PLPP5: variants seen among roughly 807,000 people sequenced by gnomAD.
PLPP5 encodes the protein diacylglycerol pyrophosphate like 1.
PLPP5 carries 29 observed loss-of-function variants against 23.6 expected under a neutral mutation model. That is an observed-to-expected ratio of 1.23 (90% CI 0.92 to 1.68). PLPP5 has a LOEUF of 1.68. Among genes scored for constraint, PLPP5 ranks in the 40% most tolerant of loss-of-function variants. The probability of loss-of-function intolerance (pLI) is 0.00; values close to 1 mark genes in which losing one functional copy is unlikely to be tolerated. For synonymous variants in PLPP5, 143 were observed against 131.3 expected (o/e 1.09, Z -0.61); for missense variants, 315 against 332.1 (o/e 0.95, Z 0.40).
At position 38,269,213 on chromosome 8, in the gene PLPP5, C is replaced by T. The variant is rs1287505784; in HGVS notation, c.-14G>A. 10 of 1,495,024 alleles carry T rather than the reference C, an allele frequency of 6.7e-6. No individual in the cohort carries two copies. Among genetic ancestry groups the T allele is most frequent in the African/African-American group, 2.9e-5 (2 of 68,548 alleles). 92.6% of individuals were successfully genotyped at this position (1,495,024 alleles called of 1,614,324 possible). ...CGCCTTCCCCATCCGGCCGCGAGCT[C>T]CGAGCGACGCTGCGCTGACGTGGCC... On this transcript the variant is annotated 5_prime_UTR_variant, in exon 1 of 7. Transcript: ENST00000424479.
intron 4 of PLPP5, 158 bp from the exon 5 acceptor site, chr8:38,267,549 C>T (rs774985903): frequency 9.5e-6 from 8 of 838,744 alleles, no homozygotes; most frequent in Non-Finnish European, 1.4e-5. Context: ...AAGAGAAAAG[C>T]CTTTCAAGGT....
chr8:38,266,079 T>C lies in PLPP5; in HGVS notation c.634+62A>G, dbSNP rs1021174663. ...TATTTAGTAAGCATCTCCTCTGTGCTAGGTGCTAGGAATAAAATGAGTGAA... is the reference window on the plus strand; with the variant it reads ...TATTTAGTAAGCATCTCCTCTGTGCCAGGTGCTAGGAATAAAATGAGTGAA... On this transcript the variant is annotated intron_variant, in intron 6 of 6. Coordinates refer to ENST00000424479, the MANE Select transcript of PLPP5 (RefSeq NM_001102559.2). 6.1e-5 allele frequency: 91 copies of C among 1,499,644 alleles called. No homozygotes were observed. In the East Asian group the frequency reaches 2.0e-3, roughly 33 times the overall value. The allele number at this position is 1,499,644 out of a possible 1,614,324, so 92.9% of individuals were successfully genotyped here. A position where few individuals can be genotyped will look rare whatever the true frequency, so the allele number is the denominator to read the frequency against.
Position 38,268,396 on chromosome 8 carries a change from T to G in PLPP5, c.249A>C (p.Thr83=), listed in dbSNP as rs1808054406. The G allele has an allele frequency of 6.4e-7, 1 of 1,572,350 alleles. No homozygotes were observed. Among genetic ancestry groups the G allele is most frequent in the Non-Finnish European group, 8.6e-7 (1 of 1,158,864 alleles). ...FLAKFLKKAD[T]RDSRQACLAA... is the part of the protein sequence containing the mutation. ...CCAGGCAGGCTTGTCTGCTGTCTCT[T>G]GTGTCTGCCTTCTTGAGAAATTTGG... The change falls in exon 3 of 7, where the codon ACA becomes ACC. Residue 83 remains threonine, a synonymous_variant. Transcript: ENST00000424479.
intron 2 of PLPP5, 120 bp downstream of exon 2, chr8:38,268,762 C>T: frequency 7.0e-7 from 1 of 1,436,476 alleles, no homozygotes; most frequent in East Asian, 2.6e-5. Flanking sequence ...CGGAACCCAG[C>T]GCACAGCAGC....
chr8:38,266,148 G>T lies in PLPP5; in HGVS notation c.627C>A (p.His209Gln). 6.2e-7 allele frequency: 1 copy of T among 1,613,900 alleles called. No individual in the cohort carries two copies. Among genetic ancestry groups the T allele is most frequent in the South Asian group, 1.1e-5 (1 of 91,026 alleles). ...ALSRTCDYKHHWQDVLVGSMI... is the reference protein window; with the variant it reads ...ALSRTCDYKHQWQDVLVGSMI... ...CCTGAGTACTTTGCTTACCTTGCCA[G>T]TGATGCTTGTAGTCACATGTGCGGG... Residue 209 changes from histidine (H) to glutamine (Q), a missense_variant, in exon 6 of 7, where the codon CAC (histidine) becomes CAA (glutamine). Physicochemically the swap from His to Gln is conservative, Grantham distance 24. Coordinates refer to ENST00000424479, the MANE Select transcript of PLPP5 (RefSeq NM_001102559.2).
intron 6 of PLPP5, 66 bp from the exon 7 acceptor site, chr8:38,264,670 G>C: frequency 6.8e-7 from 1 of 1,473,092 alleles, no homozygotes; most frequent in Non-Finnish European, 9.0e-7. Flanking sequence ...CATACACATA[G>C]CATAGAGGAC....
rs578213624 is a variant in PLPP5, at chr8:38,267,043, A to T, written c.463+224T>A. The T allele has an allele frequency of 9.9e-6, 14 of 1,416,704 alleles. 1 individual carries two copies. In the South Asian group the frequency reaches 2.2e-4, roughly 23 times the overall value. The allele number at this position is 1,416,704 out of a possible 1,614,324, so 87.8% of individuals were successfully genotyped here. The stretch of plus-strand genomic sequence containing the variant: ...CAGGATCTAGGCAAATAATATAACA[A>T]TTAAATGTGCAAATCTCATGAAGGT... On this transcript the variant is annotated intron_variant, in intron 5 of 6. Coordinates refer to ENST00000424479, the MANE Select transcript of PLPP5 (RefSeq NM_001102559.2).
At position 38,263,451 on chromosome 8, in the gene PLPP5, G is replaced by A. The variant is rs1487457469; in HGVS notation, c.*993C>T. The A allele has an allele frequency of 1.0e-6, 1 of 985,040 alleles. No individual in the cohort carries two copies. The highest frequency in any genetic ancestry group is 1.7e-5 in the African/African-American group (1 of 57,228). The allele number at this position is 985,040 out of a possible 1,614,324, so 61.0% of individuals were successfully genotyped here. A position where few individuals can be genotyped will look rare whatever the true frequency, so the allele number is the denominator to read the frequency against. On this transcript the variant is annotated 3_prime_UTR_variant, in exon 7 of 7. Transcript: ENST00000424479. ...GAAAGAAGCTCACAAGTACAGTTATGGTCAAATGAGGTAGAAACAGTCATC... is the reference window on the plus strand; with the variant it reads ...GAAAGAAGCTCACAAGTACAGTTATAGTCAAATGAGGTAGAAACAGTCATC...
At chr8:38,264,816 A>C in intron 6 of PLPP5, 3 of 1,554,216 alleles carry the variant, frequency 1.9e-6, no homozygotes, top group Middle Eastern at 1.7e-4. Flanking sequence ...TCTGAACACC[A>C]AATCAAAACA....
Position 38,267,358 on chromosome 8 carries a change from A to C in PLPP5, c.372T>G (p.Pro124=), listed in dbSNP as rs1807796932. 6.2e-7 allele frequency: 1 copy of C among 1,613,770 alleles called. No homozygotes were observed. Residue 124 remains proline, a synonymous_variant, in exon 5 of 7, where the codon CCT becomes CCG. Coordinates refer to ENST00000424479, the MANE Select transcript of PLPP5 (RefSeq NM_001102559.2). ...TCAAGTCAGAATGGGCTAGCCCATC[A>C]GGGAAGCAGCGGTAGAAGAAATCTG... ...PRPDFFYRCF[P]DGLAHSDLMC...
At chr8:38,266,744 T>A (rs1234320243) in intron 5 of PLPP5, among the ~76,000 whole-genome samples, 1 of 152,106 alleles carries the variant, frequency 6.6e-6, no homozygotes, top group Non-Finnish European at 1.5e-5. Flanking sequence ...ATAGTGTAAG[T>A]CATTGTGAAG....
In PLPP5 at chr8:38,264,346, G is replaced by T; in HGVS notation, c.*98C>A. The T allele has an allele frequency of 2.1e-6, 2 of 972,956 alleles. No homozygotes were observed. Among genetic ancestry groups the T allele is most frequent in the Non-Finnish European group, 2.9e-6 (2 of 697,878 alleles). 60.3% of individuals were successfully genotyped at this position (972,956 alleles called of 1,614,324 possible). On this transcript the variant is annotated 3_prime_UTR_variant, in exon 7 of 7. Coordinates refer to ENST00000424479, the MANE Select transcript of PLPP5 (RefSeq NM_001102559.2). ...TAGTAGAGACAGGGTTCACCATGTT[G>T]GCCAGGCTGGTCCTGACCTCAGGTG...
At chr8:38,266,493 C>CGG in intron 5 of PLPP5, 182 bp from the exon 6 acceptor site, 2 of 553,290 alleles carry the variant, frequency 3.6e-6, no homozygotes, top group South Asian at 4.4e-5. Flanking sequence ...CTCCACCACC[C>CGG]GGGTTCAAGC....
chr8:38,268,210 A>C, intron 3 of PLPP5, 161 bp downstream of exon 3: 2 of 1,070,434 alleles, frequency 1.9e-6, no homozygotes, highest in South Asian at 1.6e-5. Flanking sequence ...TAGCCTGCGT[A>C]ACCAAGTCCC....
chr8:38,264,577 A>G lies in PLPP5; in HGVS notation c.662T>C (p.Met221Thr), dbSNP rs1807295993. The G allele has an allele frequency of 1.9e-6, 3 of 1,592,814 alleles. No homozygotes were observed. The highest frequency in any genetic ancestry group is 2.3e-5 in the East Asian group (1 of 44,324). The change falls in exon 7 of 7, where the codon ATG becomes ACG. Residue 221 changes from methionine to threonine, a missense_variant. Transcript: ENST00000424479. ...CCGATAGCAGACATAGGCAAATGTC[A>G]TTCCAATCATGGATCCAACTAGTAC... is the stretch of plus-strand genomic sequence containing the variant. ...QDVLVGSMIG[M>T]TFAYVCYRQY... is the part of the protein sequence containing the mutation.
Position 38,264,192 on chromosome 8 carries a change from G to A in PLPP5, c.*252C>T. 9.9e-7 allele frequency: 1 copy of A among 1,011,256 alleles called. No individual in the cohort carries two copies. Among genetic ancestry groups the A allele is most frequent in the South Asian group, 4.0e-5 (1 of 25,094 alleles). The allele number at this position is 1,011,256 out of a possible 1,614,324, so 62.6% of individuals were successfully genotyped here. ...AGATGGGGTCTCACTCTGTTGCCTA[G>A]GCTGGAGTGCAGTGGTGCGATCTCG... On this transcript the variant is annotated 3_prime_UTR_variant, in exon 7 of 7. Transcript: ENST00000424479.
intron 4 of PLPP5, 137 bp from the exon 5 acceptor site, chr8:38,267,528 G>T: frequency 1.0e-6 from 1 of 989,330 alleles, no homozygotes; most frequent in Non-Finnish European, 1.5e-6. Flanking sequence ...GCTTAGTATA[G>T]TCACCACACT....
chr8:38,266,566 A>C, intron 5 of PLPP5: 1 of 326,756 alleles, frequency 3.1e-6, no homozygotes, highest in Non-Finnish European at 5.6e-6. Context: ...ATGCCCAGCT[A>C]ATTTTTTTAT....
Position 38,264,501 on chromosome 8 carries a change from G to C in PLPP5, c.738C>G (p.Asp246Glu). ...TDAECHKPFQ[D>E]KLVLSTAQKP... ...TCTGTGCAGTGGAAAGTACAAGTTT[G>C]TCTTGAAATGGTTTATGGCATTCTG... Residue 246 changes from aspartate to glutamate, a missense_variant, in exon 7 of 7, where the codon GAC (aspartate) becomes GAG (glutamate). By Grantham distance (45) the Asp-to-Glu change is conservative (BLOSUM62 2). Coordinates refer to ENST00000424479, the MANE Select transcript of PLPP5 (RefSeq NM_001102559.2). 6.4e-7 allele frequency: 1 copy of C among 1,555,782 alleles called. No individual in the cohort carries two copies. Among genetic ancestry groups the C allele is most frequent in the Non-Finnish European group, 8.7e-7 (1 of 1,148,920 alleles).
Sources: gnomAD v4.1 joint callset for allele counts (sites outside exome capture counted in the v4.1 genomes callset) on GRCh38, gnomAD v4.1.1 for gene constraint, MANE v1.5 for transcripts, NCBI Gene and HGNC (gene_info 2026-07-23, HGNC 2026-07-21) for gene names.